Variants in SPON2 observed in about 807,000 individuals in gnomAD.
SPON2 encodes the protein spondin-2.
A neutral mutation model predicts 29.9 loss-of-function variants in SPON2; 32 were observed. The observed-to-expected ratio is 1.07, with a 90% CI of 0.81 to 1.44. The LOEUF (loss-of-function observed/expected upper bound fraction) is 1.44. Among genes scored for constraint, SPON2 ranks in the 40% most tolerant of loss-of-function variants. SPON2 has a pLI of 0.00. For synonymous variants in SPON2, 248 were observed against 209.1 expected, an observed-to-expected ratio of 1.19 and a Z score of -1.61; for missense variants, 541 against 455.5, an observed-to-expected ratio of 1.19 and a Z score of -1.71.
At position 1,167,412 on chromosome 4, in the gene SPON2, C is replaced by T. The variant is rs1727273765; in HGVS notation, c.*60G>A. The T allele has an allele frequency of 6.5e-7, 1 of 1,545,430 alleles. No homozygotes were observed. Among genetic ancestry groups the T allele is most frequent in the Non-Finnish European group, 8.8e-7 (1 of 1,137,782 alleles). On this transcript the variant is annotated 3_prime_UTR_variant, in exon 6 of 6. Transcript: ENST00000290902. ...CTCGGCCGCCTGCAGCATGAGCCTG[C>T]ACAGGAGCCCCCGACACCCCATGGC...
chr4:1,169,277 C>T (rs760995687), intron 5 of SPON2, among the ~76,000 whole-genome samples: 7 of 152,114 alleles, frequency 4.6e-5, no homozygotes, highest in Non-Finnish European at 8.8e-5. Context: ...ACGAACAGTG[C>T]TGGCACGTCT....
chr4:1,203,847 T>A (rs894884640), intron 1 of SPON2, among the ~76,000 whole-genome samples: 2 of 152,118 alleles, frequency 1.3e-5, no homozygotes, highest in African/African-American at 4.8e-5. Flanking sequence ...CATATATTAT[T>A]TGGAAAAAAC....
intron 1 of SPON2, among the ~76,000 whole-genome samples, chr4:1,184,260 C>T (rs1019455747): frequency 6.6e-6 from 1 of 152,212 alleles, no homozygotes; most frequent in African/African-American, 2.4e-5. Flanking sequence ...TGAGCCACTG[C>T]AACTGGCCAG....
In SPON2 at chr4:1,191,072, C is replaced by T. The variant is rs1016191893; in HGVS notation, c.-239+3918G>A. Among the ~76,000 whole-genome samples, 8 of 148,938 alleles carry T rather than the reference C, an allele frequency of 5.4e-5. No individual in the cohort carries two copies. In the South Asian group the frequency reaches 6.4e-4, roughly 12 times the overall value. On this transcript the variant is annotated intron_variant, in intron 1 of 3. Transcript: ENST00000502483. ...CCAATCCCCATCAAAATTCTAACTG[C>T]TTTTTTTTTCTTTTTTTTTTTTTGC...
chr4:1,201,318 C>T (rs2108680499), intron 1 of SPON2: 1 of 354,536 alleles, frequency 2.8e-6, no homozygotes. Flanking sequence ...GCTTCAGGCA[C>T]TTCCAAGCCC....
upstream of SPON2, among the ~76,000 whole-genome samples, chr4:1,174,497 A>C (rs1185728295): frequency 6.0e-5 from 9 of 149,972 alleles, no homozygotes; most frequent in East Asian, 1.2e-3. Flanking sequence ...AAAAAAAAAA[A>C]AAAAACAAAA....
Position 1,170,397 on chromosome 4 carries a change from G to T in SPON2, c.811+5C>A. The T allele has an allele frequency of 6.2e-7, 1 of 1,611,506 alleles. No individual in the cohort carries two copies. The highest frequency in any genetic ancestry group is 8.5e-7 in the Non-Finnish European group (1 of 1,179,276). On this transcript the variant is annotated splice_donor_5th_base_variant and intron_variant, in intron 5 of 5. Transcript: ENST00000290902. ...TGTGTCCCATGTGACCTGTATGTCC[G>T]TTACCTGAGGCGCTGTCTACAATCT...
chr4:1,203,371 G>A (rs959159882), intron 1 of SPON2, among the ~76,000 whole-genome samples: 8 of 152,144 alleles, frequency 5.3e-5, no homozygotes, highest in Non-Finnish European at 7.3e-5. Context: ...GGCCGTCTGC[G>A]TCTGACCTCC....
chr4:1,188,223 A>AAAAAAAAAAG (rs1727842426), intron 1 of SPON2, among the ~76,000 whole-genome samples: 1 of 143,554 alleles, frequency 7.0e-6, no homozygotes, highest in Admixed American at 7.2e-5. Context: ...AAAAAAAAAA[A>AAAAAAAAAAG]AAAGAAATGA....
chr4:1,171,376 C>T lies in SPON2; in HGVS notation c.331G>A (p.Glu111Lys), dbSNP rs779361137. ...GEAWALMKEI[E>K]AAGEALQSVH... The stretch of plus-strand genomic sequence containing the variant: ...CTCTGCAGCGCCTCCCCCGCCGCCT[C>T]GATCTCCTTCATCAGCGCCCAGGCC... Residue 111 changes from glutamate (E) to lysine (K), a missense_variant, in exon 3 of 6, where the codon GAG (glutamate) becomes AAG (lysine). Glu to Lys is a moderately conservative substitution (Grantham distance 56). Transcript: ENST00000290902. The T allele has an allele frequency of 3.7e-6, 6 of 1,612,100 alleles. No individual in the cohort carries two copies. The Admixed American group carries it at 8.3e-5, about 22-fold the overall frequency.
upstream of SPON2, among the ~76,000 whole-genome samples, chr4:1,196,459 T>TG (rs1179487690): frequency 6.6e-6 from 1 of 152,148 alleles, no homozygotes; most frequent in Admixed American, 6.5e-5. Context: ...ACCAAGACCC[T>TG]GGGGGTCACA....
upstream of SPON2, chr4:1,172,630 C>G (rs922840009): frequency 6.4e-6 from 1 of 155,550 alleles, no homozygotes; most frequent in Non-Finnish European, 1.4e-5. Flanking sequence ...GCCGGCGCCC[C>G]GGGCCGGCCA....
At chr4:1,178,131 C>T (rs1257032146), upstream of SPON2, among the ~76,000 whole-genome samples, 4 of 141,950 alleles carry the variant, frequency 2.8e-5, no homozygotes, top group South Asian at 2.3e-4. Flanking sequence ...CCAGACACCA[C>T]GGGCTCTGCA....
rs529076764 is a variant in SPON2 at position 1,193,606 on chromosome 4, G to A, written c.-239+1384C>T. On this transcript the variant is annotated intron_variant, in intron 1 of 3. Transcript: ENST00000502483. Reference sequence around the variant, plus strand: ...TGACCATGGGACAAGAACGTGGGGGGCATGGGAAGGATGTGGAGGGGGCAT... The same window carrying A: ...TGACCATGGGACAAGAACGTGGGGGACATGGGAAGGATGTGGAGGGGGCAT... Among the ~76,000 whole-genome samples the A allele has an allele frequency of 3.2e-4, 31 of 97,014 alleles. 1 individual carries two copies. Among genetic ancestry groups the A allele is most frequent in the African/African-American group, 1.2e-3 (31 of 26,920 alleles). The allele number at this position is 97,014 out of a possible 152,430, so 63.6% of individuals were successfully genotyped here.
chr4:1,172,008 G>T lies in SPON2; in HGVS notation c.64C>A (p.Leu22Ile). The change falls in exon 2 of 6, where the codon CTC becomes ATC. Residue 22 changes from leucine (L) to isoleucine (I), a missense_variant. Coordinates refer to ENST00000290902, the MANE Select transcript of SPON2 (RefSeq NM_012445.4). ...CCAAGAGGCTGGCCGGCGGCGCCGA[G>T]AGTGGCCAGGAGGAGAGCGCAGAGG... Reference protein sequence around the residue: ...KALCALLLATLGAAGQPLGGE... With the variant: ...KALCALLLATIGAAGQPLGGE... 6.2e-7 allele frequency: 1 copy of T among 1,612,814 alleles called. No homozygotes were observed. The highest frequency in any genetic ancestry group is 8.5e-7 in the Non-Finnish European group (1 of 1,179,882).
At chr4:1,194,636 G>T (rs1456468290) in intron 1 of SPON2, among the ~76,000 whole-genome samples, 1 of 152,172 alleles carries the variant, frequency 6.6e-6, no homozygotes, top group African/African-American at 2.4e-5. Flanking sequence ...TGGCCCGCGG[G>T]ACCTGCTCCC....
chr4:1,167,330 C>T lies in SPON2; in HGVS notation c.*142G>A. On this transcript the variant is annotated 3_prime_UTR_variant, in exon 6 of 6. Transcript: ENST00000290902. ...CCGGCCACCAGAGGGCCCTTCAGTGCAGAGATGGTCGGCGCGGCCTCACCG... is the reference window on the plus strand; with the variant it reads ...CCGGCCACCAGAGGGCCCTTCAGTGTAGAGATGGTCGGCGCGGCCTCACCG... 1 of 846,550 alleles carries T rather than the reference C, an allele frequency of 1.2e-6. No homozygotes were observed. Among genetic ancestry groups the T allele is most frequent in the South Asian group, 1.8e-5 (1 of 56,996 alleles). 52.4% of individuals were successfully genotyped at this position (846,550 alleles called of 1,614,324 possible).
At chr4:1,171,599 C>A (rs907218443) in intron 2 of SPON2, 113 bp from the exon 3 acceptor site, 1 of 1,160,494 alleles carries the variant, frequency 8.6e-7, no homozygotes, top group Non-Finnish European at 1.2e-6. Context: ...AACCATGGCC[C>A]CCAGTCACGT....
intron 1 of SPON2, chr4:1,200,925 G>A (rs777565953): frequency 4.2e-5 from 19 of 456,604 alleles, no homozygotes; most frequent in Admixed American, 1.6e-4. Flanking sequence ...CTGGATGTGG[G>A]CACCCCCGTG....
Sources: gnomAD v4.1 joint callset for allele counts (sites outside exome capture counted in the v4.1 genomes callset) on GRCh38, gnomAD v4.1.1 for gene constraint, MANE v1.5 for transcripts, NCBI Gene and HGNC (gene_info 2026-07-23, HGNC 2026-07-21) for gene names.